Variants in UBXN7 observed in about 807,000 individuals in gnomAD.
The protein encoded by UBXN7 is UBX domain protein 7.
Under a neutral mutation model 58.0 loss-of-function variants are expected in UBXN7, and 9 were observed. The ratio of observed to expected loss-of-function variants is 0.16; its 90% CI spans 0.09 to 0.27. The LOEUF (loss-of-function observed/expected upper bound fraction) is 0.27. UBXN7 is among the 10% of genes least tolerant of loss of function. The probability of loss-of-function intolerance (pLI) is 1.00; values close to 1 mark genes in which losing one functional copy is unlikely to be tolerated. For synonymous variants in UBXN7, 208 were observed against 205.0 expected, an observed-to-expected ratio of 1.01 and a Z score of -0.12; for missense variants, 328 against 599.6, an observed-to-expected ratio of 0.55 and a Z score of 4.73.
rs762135746 is a variant in UBXN7 at position 196,368,126 on chromosome 3, C to T, written c.736G>A (p.Asp246Asn). The change falls in exon 8 of 11, where the codon GAT (aspartate) becomes AAT (asparagine). Residue 246 changes from aspartate to asparagine, a missense_variant. Physicochemically the swap from Asp to Asn is conservative, Grantham distance 23. Coordinates refer to ENST00000296328, the MANE Select transcript of UBXN7 (RefSeq NM_015562.2). ...GQKLVEWHQLDVSSFLDQVTG... is the reference protein window; with the variant it reads ...GQKLVEWHQLNVSSFLDQVTG... ...ACTTGGTCCAAGAAAGAAGATACAT[C>T]TAACTGGTGCCATTCTACTAGCTTC... 1 of 1,613,964 alleles carries T rather than the reference C, an allele frequency of 6.2e-7. No homozygotes were observed. The highest frequency in any genetic ancestry group is 8.5e-7 in the Non-Finnish European group (1 of 1,179,926).
At chr3:196,394,606 A>G (rs1402328970) in intron 3 of UBXN7, among the ~76,000 whole-genome samples, 2 of 151,780 alleles carry the variant, frequency 1.3e-5, no homozygotes, top group Non-Finnish European at 2.9e-5. Context: ...TCCGTCTCAA[A>G]AAAAAAAAAA....
intron 6 of UBXN7, among the ~76,000 whole-genome samples, chr3:196,371,057 C>T (rs1322235779): frequency 6.6e-6 from 1 of 152,040 alleles, no homozygotes; most frequent in Non-Finnish European, 1.5e-5. Context: ...GGTCTGTAAC[C>T]TTATCTCATT....
Position 196,432,372 on chromosome 3 carries a change from A to G in UBXN7, c.28T>C (p.Ser10Pro), listed in dbSNP as rs770894670. Reference protein sequence around the residue: MAAHGGSAASSALKGLIQQF... With the variant: MAAHGGSAAPSALKGLIQQF... Reference sequence around the variant, plus strand: ...TGAATTAACCCCTTCAGCGCCGAGGACGCCGCGGAGCCCCCGTGGGCAGCC... The same window carrying G: ...TGAATTAACCCCTTCAGCGCCGAGGGCGCCGCGGAGCCCCCGTGGGCAGCC... The change falls in exon 1 of 11, where the codon TCC becomes CCC. Residue 10 changes from serine (S) to proline (P), a missense_variant. Coordinates refer to ENST00000296328, the MANE Select transcript of UBXN7 (RefSeq NM_015562.2). 59 of 1,596,626 alleles carry G rather than the reference A, an allele frequency of 3.7e-5. No homozygotes were observed. In the Admixed American group the frequency reaches 9.8e-4, roughly 26 times the overall value.
intron 1 of UBXN7, among the ~76,000 whole-genome samples, chr3:196,427,309 G>A (rs1314034490): frequency 2.6e-5 from 4 of 151,980 alleles, no homozygotes; most frequent in Admixed American, 6.6e-5. Flanking sequence ...CTCTGTGCTC[G>A]CTTCAGCAGC....
intron 10 of UBXN7, among the ~76,000 whole-genome samples, chr3:196,357,731 G>A (rs541250548): frequency 4.5e-4 from 69 of 152,216 alleles, no homozygotes; most frequent in African/African-American, 1.6e-3. Context: ...ATGGTGGTGC[G>A]CACCTGTAAT....
intron 10 of UBXN7, 69 bp from the exon 11 acceptor site, chr3:196,356,915 TA>T: frequency 6.6e-7 from 1 of 1,513,738 alleles, no homozygotes; most frequent in East Asian, 2.4e-5. Context: ...GTGAATTAAA[TA>T]GAAAACATTC....
In UBXN7 at chr3:196,354,599, T is replaced by C. The variant is rs1053087446; in HGVS notation, c.*2086A>G. 1 of 152,232 alleles carries C rather than the reference T, an allele frequency of 6.6e-6. No homozygotes were observed. The highest frequency in any genetic ancestry group is 1.5e-5 in the Non-Finnish European group (1 of 68,048). The allele number at this position is 152,232 out of a possible 1,614,324, so 9.4% of individuals were successfully genotyped here. A position where few individuals can be genotyped will look rare whatever the true frequency, so the allele number is the denominator to read the frequency against. Reference sequence around the variant, plus strand: ...TCTGAGCTTGTCTACTACCAACAAATGTTTTACCCTCCAGTGCACCTTTGA... The same window carrying C: ...TCTGAGCTTGTCTACTACCAACAAACGTTTTACCCTCCAGTGCACCTTTGA... On this transcript the variant is annotated 3_prime_UTR_variant, in exon 11 of 11. Transcript: ENST00000296328.
chr3:196,421,603 CA>C (rs1730688708), intron 1 of UBXN7, among the ~76,000 whole-genome samples: 1 of 151,630 alleles, frequency 6.6e-6, no homozygotes, highest in African/African-American at 2.4e-5. Flanking sequence ...AACCCCCCCC[CA>C]GTCTCTAGTA....
At position 196,369,479 on chromosome 3, in the gene UBXN7, G is replaced by A. The variant is rs779064927; in HGVS notation, c.648C>T (p.Tyr216=). Residue 216 remains tyrosine (Y), a synonymous_variant, in exon 7 of 11, where the codon TAC becomes TAT. Transcript: ENST00000296328. ...VYHDSEEGQR[Y]IQFYKLGDFP... ...AATCCCCTAACTTATAAAACTGTAT[G>A]TATCTCTGACCTTCCTCACTGTCAT... 1.9e-5 allele frequency: 30 copies of A among 1,613,188 alleles called. No individual in the cohort carries two copies. The highest frequency in any genetic ancestry group is 2.5e-5 in the Non-Finnish European group (30 of 1,179,592).
rs1577426912 is a variant in UBXN7, at chr3:196,354,420, G to A, written c.*2265C>T. ...AGAGAAGCTAGAAGGTAAAGAAAAG[G>A]AAACAGAGCCCTATAGGAAAAATGA... On this transcript the variant is annotated 3_prime_UTR_variant, in exon 11 of 11. Transcript: ENST00000296328. 3 of 152,338 alleles carry A rather than the reference G, an allele frequency of 2.0e-5. No homozygotes were observed. Among genetic ancestry groups the A allele is most frequent in the South Asian group, 4.1e-4 (2 of 4,820 alleles). 9.4% of individuals were successfully genotyped at this position (152,338 alleles called of 1,614,324 possible).
intron 1 of UBXN7, among the ~76,000 whole-genome samples, chr3:196,415,230 T>C (rs1188509063): frequency 6.7e-6 from 1 of 150,194 alleles, no homozygotes; most frequent in East Asian, 2.0e-4. Flanking sequence ...CTTGGCTCCC[T>C]GCAACCTCCA....
intron 1 of UBXN7, among the ~76,000 whole-genome samples, chr3:196,415,155 T>C (rs914454266): frequency 1.4e-5 from 2 of 143,906 alleles, no homozygotes; most frequent in Admixed American, 1.4e-4. Context: ...TCATACTTCT[T>C]TTTTTTTTTT....
chr3:196,399,049 T>TA (rs1213632695), intron 3 of UBXN7, among the ~76,000 whole-genome samples: 2 of 152,246 alleles, frequency 1.3e-5, no homozygotes, highest in African/African-American at 4.8e-5. Context: ...TGTAAACTGA[T>TA]AGTCTGTCAG....
In UBXN7 at chr3:196,424,383, ATTTT is replaced by A. The variant is rs869183431; in HGVS notation, c.73+7940_73+7943del. ...AGATGCCATCCTTTCTCTTTTCCTA[ATTTT>A]TTTTTTTTTTTTTTTTTTTTTTTAA... On this transcript the variant is annotated intron_variant, in intron 1 of 10. Coordinates refer to ENST00000296328, the MANE Select transcript of UBXN7 (RefSeq NM_015562.2). Among the ~76,000 whole-genome samples the A allele has an allele frequency of 5.4e-3, 568 of 104,868 alleles. 8 individuals are homozygous for A. The highest frequency in any genetic ancestry group is 0.019 in the African/African-American group (535 of 28,046). The allele number at this position is 104,868 out of a possible 152,430, so 68.8% of individuals were successfully genotyped here.
rs1030884866 is a variant in UBXN7 at position 196,348,675 on chromosome 3, T to C, written c.*8010A>G. 1 of 152,074 alleles carries C rather than the reference T, an allele frequency of 6.6e-6. No individual in the cohort carries two copies. The highest frequency in any genetic ancestry group is 2.4e-5 in the African/African-American group (1 of 41,418). The allele number at this position is 152,074 out of a possible 1,614,324, so 9.4% of individuals were successfully genotyped here. On this transcript the variant is annotated 3_prime_UTR_variant, in exon 11 of 11. Transcript: ENST00000296328. The stretch of plus-strand genomic sequence containing the variant: ...CCCACCCTCATCATCCCTATCCCCC[T>C]AGAAATTTCATTCCTTGATTAACTT...
At chr3:196,359,884 T>C (rs138741517) in intron 10 of UBXN7, among the ~76,000 whole-genome samples, 221 of 150,038 alleles carry the variant, frequency 1.5e-3, no homozygotes, top group African/African-American at 5.3e-3. Context: ...CTAGCCTGGG[T>C]GACAGAGCAA....
intron 3 of UBXN7, among the ~76,000 whole-genome samples, chr3:196,394,213 A>G (rs554686019): frequency 9.0e-4 from 133 of 148,490 alleles, no homozygotes; most frequent in Non-Finnish European, 1.3e-3. Flanking sequence ...ACTTGAACCT[A>G]GGAGACAGAG....
intron 5 of UBXN7, among the ~76,000 whole-genome samples, chr3:196,388,797 G>A (rs779031721): frequency 8.6e-5 from 13 of 151,868 alleles, no homozygotes; most frequent in Non-Finnish European, 1.6e-4. Flanking sequence ...ACTTAATTTT[G>A]CTTGTTATCT....
chr3:196,400,651 G>C (rs1473247513), intron 3 of UBXN7: 1 of 259,646 alleles, frequency 3.9e-6, no homozygotes, highest in Non-Finnish European at 7.7e-6. Context: ...GAGGTGGGAG[G>C]AATCCTTGAG....
Sources: gnomAD v4.1 joint callset for allele counts (sites outside exome capture counted in the v4.1 genomes callset) on GRCh38, gnomAD v4.1.1 for gene constraint, MANE v1.5 for transcripts, NCBI Gene and HGNC (gene_info 2026-07-23, HGNC 2026-07-21) for gene names.